Variants in FGF13 observed in about 807,000 individuals in gnomAD.
FGF13 encodes the protein fibroblast growth factor homologous factor 2.
A neutral mutation model predicts 19.5 loss-of-function variants in FGF13; 2 were observed. The observed-to-expected ratio is 0.10, with a 90% CI of 0.04 to 0.32. FGF13 has a LOEUF of 0.32. Among genes scored for constraint, FGF13 ranks in the 10% least tolerant of loss-of-function variants. The pLI is 1.00. For synonymous variants in FGF13, 72 were observed against 76.9 expected, an observed-to-expected ratio of 0.94 and a Z score of 0.33; for missense variants, 113 against 192.7, an observed-to-expected ratio of 0.59 and a Z score of 2.45.
At chrX:139,200,891 G>A (rs772133082) in intron 1 of FGF13, among the ~76,000 whole-genome samples, 2 of 112,307 alleles carry the variant, frequency 1.8e-5, no homozygotes, top group African/African-American at 3.2e-5. Flanking sequence ...ATGTGACAAG[G>A]TAGAGAAGAG....
At chrX:138,778,719 A>C (rs1230360806) in intron 3 of FGF13, among the ~76,000 whole-genome samples, 2 of 112,305 alleles carry the variant, frequency 1.8e-5, no homozygotes, top group Admixed American at 9.3e-5. Context: ...TCAAACAGCA[A>C]GGCGGCAGCC....
chrX:139,194,553 G>A (rs752620891), intron 1 of FGF13, among the ~76,000 whole-genome samples: 1 of 112,472 alleles, frequency 8.9e-6, no homozygotes, highest in Non-Finnish European at 1.9e-5. Context: ...AGAAAGCAAA[G>A]CTCTTGTGTT....
chrX:138,949,455 G>A (rs999976934), intron 1 of FGF13, among the ~76,000 whole-genome samples: 1 of 111,164 alleles, frequency 9.0e-6, no homozygotes, highest in African/African-American at 3.3e-5. Flanking sequence ...TCACCTGTGT[G>A]CCCGTGTCTC....
At chrX:138,760,487 G>C (rs1335758837) in intron 3 of FGF13, among the ~76,000 whole-genome samples, 1 of 112,065 alleles carries the variant, frequency 8.9e-6, no homozygotes, top group African/African-American at 3.2e-5. Context: ...CAAAGTTAGA[G>C]AAGAGAGATT....
chrX:139,079,670 G>A (rs1272558648), intron 1 of FGF13, among the ~76,000 whole-genome samples: 2 of 111,158 alleles, frequency 1.8e-5, no homozygotes, highest in Non-Finnish European at 3.8e-5. Context: ...TCTACTGAAG[G>A]GATAGGGAGA....
intron 1 of FGF13, among the ~76,000 whole-genome samples, chrX:139,008,476 G>C (rs2092113922): frequency 8.9e-6 from 1 of 112,326 alleles, no homozygotes; most frequent in Admixed American, 9.4e-5. Flanking sequence ...CACCGGAGCA[G>C]GTGCTGTTAT....
intron 1 of FGF13, among the ~76,000 whole-genome samples, chrX:138,942,544 T>G (rs2091763253): frequency 8.9e-6 from 1 of 111,875 alleles, no homozygotes; most frequent in Non-Finnish European, 1.9e-5. Context: ...GAATGTCCTT[T>G]TCGGTTTTTC....
chrX:138,973,484 A>G (rs2091927665), intron 1 of FGF13, among the ~76,000 whole-genome samples: 1 of 112,150 alleles, frequency 8.9e-6, no homozygotes, highest in African/African-American at 3.2e-5. Context: ...GTTAAATAGA[A>G]TGTTCTGTAA....
chrX:138,635,549 T>C lies in FGF13; in HGVS notation c.509A>G (p.Tyr170Cys). Residue 170 changes from tyrosine (Y) to cysteine (C), a missense_variant, in exon 4 of 5, where the codon TAT (tyrosine) becomes TGT (cysteine). By Grantham distance (194) the Tyr-to-Cys change is radical. Coordinates refer to ENST00000315930, the MANE Select transcript of FGF13 (RefSeq NM_004114.5). Reference sequence around the variant, plus strand: ...CTCTCCTTCTTTGTTCAGACCCAGATACCACCCTCGGCCTGACTGCTGCTG... The same window carrying C: ...CTCTCCTTCTTTGTTCAGACCCAGACACCACCCTCGGCCTGACTGCTGCTG... ...YRQQQSGRGWYLGLNKEGEIM... is the reference protein window; with the variant it reads ...YRQQQSGRGWCLGLNKEGEIM... 8.3e-7 allele frequency: 1 copy of C among 1,210,258 alleles called. No homozygotes were observed. The highest frequency in any genetic ancestry group is 1.1e-6 in the Non-Finnish European group (1 of 894,161).
chrX:139,203,970 G>A (rs940920793), upstream of FGF13: 12 of 1,006,037 alleles, frequency 1.2e-5, no homozygotes, highest in African/African-American at 9.4e-5. Flanking sequence ...CCGGGAAGGA[G>A]GCAAGGAGCC....
chrX:138,632,231 C>G lies in FGF13; in HGVS notation c.*619G>C, dbSNP rs1294667794. 1 of 110,359 alleles carries G rather than the reference C, an allele frequency of 9.1e-6. No homozygotes were observed. The highest frequency in any genetic ancestry group is 1.9e-5 in the Non-Finnish European group (1 of 52,720). The allele number at this position is 110,359 out of a possible 1,213,427, so 9.1% of individuals were successfully genotyped here. A position where few individuals can be genotyped will look rare whatever the true frequency, so the allele number is the denominator to read the frequency against. On this transcript the variant is annotated 3_prime_UTR_variant, in exon 5 of 5. Transcript: ENST00000315930. ...GGTCAAACCACAAGAACACTGTTAC[C>G]TTGAGCCTGAGAAGCCAATTCAGAT...
At chrX:138,936,868 G>A (rs768902285) in intron 1 of FGF13, among the ~76,000 whole-genome samples, 1 of 111,929 alleles carries the variant, frequency 8.9e-6, no homozygotes, top group Admixed American at 9.5e-5. Flanking sequence ...CGGTCAGAAT[G>A]TTATAGGGTA....
chrX:138,779,108 T>C (rs2090616411), intron 3 of FGF13, among the ~76,000 whole-genome samples: 2 of 110,341 alleles, frequency 1.8e-5, no homozygotes, highest in Admixed American at 1.9e-4. Context: ...GAGGTTCCTG[T>C]CTGTTAGAAG....
chrX:139,142,798 G>T (rs73633976), intron 1 of FGF13, among the ~76,000 whole-genome samples: 6,756 of 111,558 alleles, frequency 0.061, 516 homozygotes, highest in African/African-American at 0.2. Context: ...TGGTGGTGGT[G>T]GTTGTCATCA....
intron 1 of FGF13, among the ~76,000 whole-genome samples, chrX:138,995,834 T>C (rs778418992): frequency 8.9e-6 from 1 of 112,219 alleles, no homozygotes; most frequent in South Asian, 3.7e-4. Context: ...AGTAATGGGA[T>C]TGCTGGGTCG....
chrX:138,807,745 G>T (rs1218318276), intron 3 of FGF13, among the ~76,000 whole-genome samples: 1 of 111,384 alleles, frequency 9.0e-6, no homozygotes, highest in Non-Finnish European at 1.9e-5. Context: ...AAGGATGGAG[G>T]AAGATCTACC....
chrX:139,174,745 A>T (rs2084165514), intron 1 of FGF13, among the ~76,000 whole-genome samples: 1 of 111,571 alleles, frequency 9.0e-6, no homozygotes, highest in Non-Finnish European at 1.9e-5. Flanking sequence ...GTTCTGTTCC[A>T]TTGGTCTATA....
intron 1 of FGF13, among the ~76,000 whole-genome samples, chrX:138,959,921 A>G (rs745322750): frequency 9.8e-5 from 11 of 111,807 alleles, no homozygotes; most frequent in Non-Finnish European, 1.9e-4. Flanking sequence ...GTGTCTCTGC[A>G]CATGAAATGG....
chrX:138,653,766 A>C (rs767822032), intron 3 of FGF13, among the ~76,000 whole-genome samples: 2 of 111,781 alleles, frequency 1.8e-5, no homozygotes, highest in South Asian at 7.5e-4. Flanking sequence ...CTGGACTCAA[A>C]ATAAAAGTAA....
Sources: gnomAD v4.1 joint callset for allele counts (sites outside exome capture counted in the v4.1 genomes callset) on GRCh38, gnomAD v4.1.1 for gene constraint, MANE v1.5 for transcripts, NCBI Gene and HGNC (gene_info 2026-07-23, HGNC 2026-07-21) for gene names.